The following TDRD3 variants were observed in gnomAD, a reference collection of about 807,000 sequenced individuals.
TDRD3 encodes the protein tudor domain containing 3.
Under a neutral mutation model 86.7 loss-of-function variants are expected in TDRD3, and 45 were observed. The observed-to-expected ratio is 0.52, with a 90% confidence interval of 0.41 to 0.67. TDRD3 has a LOEUF of 0.67. Ranked by LOEUF, TDRD3 falls within the 30% of genes least tolerant of loss-of-function variation. TDRD3 has a pLI of 0.00. For synonymous variants in TDRD3, 298 were observed against 301.7 expected, an observed-to-expected ratio of 0.99 and a Z score of 0.13; for missense variants, 814 against 889.0, an observed-to-expected ratio of 0.92 and a Z score of 1.07.
intron 1 of TDRD3, 103 bp downstream of exon 1, chr13:60,397,508 T>G: frequency 7.0e-6 from 7 of 1,000,892 alleles, no homozygotes; most frequent in East Asian, 3.3e-5. Context: ...AGGCGGAGGC[T>G]GTCGTCCGCC....
At position 60,468,583 on chromosome 13, in the gene TDRD3, G is replaced by A. The variant is rs142217780; in HGVS notation, c.495+1204G>A. Among the ~76,000 whole-genome samples the A allele has an allele frequency of 3.1e-3, 467 of 152,248 alleles. 2 individuals carry two copies. The highest frequency in any genetic ancestry group is 0.011 in the African/African-American group (443 of 41,550). The stretch of plus-strand genomic sequence containing the variant: ...GTTCTGCACGTATCTGTTGAACAAT[G>A]TGTAGATACTGTGCTGGGATCTTGC... On this transcript the variant is annotated intron_variant, in intron 5 of 13. Coordinates refer to ENST00000377881, the MANE Select transcript of TDRD3 (RefSeq NM_001146070.2).
chr13:60,422,720 C>A (rs915744657), intron 1 of TDRD3, among the ~76,000 whole-genome samples: 1 of 151,220 alleles, frequency 6.6e-6, no homozygotes, highest in African/African-American at 2.4e-5. Context: ...TGATAAGGAG[C>A]ATTGAAGAAA....
chr13:60,459,964 T>TA (rs1045733102), intron 3 of TDRD3, among the ~76,000 whole-genome samples: 22 of 152,224 alleles, frequency 1.4e-4, no homozygotes, highest in Non-Finnish European at 3.1e-4. Flanking sequence ...TTGATTCACT[T>TA]AAAAAAACTG....
intron 1 of TDRD3, among the ~76,000 whole-genome samples, chr13:60,424,843 A>G (rs1018399315): frequency 2.6e-5 from 4 of 152,092 alleles, no homozygotes; most frequent in Admixed American, 2.0e-4. Context: ...TTCTGTCTCT[A>G]TGGATTTTTT....
Position 60,404,010 on chromosome 13 carries a change from CATG to C in TDRD3, c.41+6608_41+6610del, listed in dbSNP as rs138214036. On this transcript the variant is annotated intron_variant, in intron 1 of 13. Coordinates refer to ENST00000377881, the MANE Select transcript of TDRD3 (RefSeq NM_001146070.2). ...ATGTACAAGACAGGCAGAATTTAAA[CATG>C]ATATACACTGTTATTTTACTTGCAA... Among the ~76,000 whole-genome samples, 3 of 152,302 alleles carry C rather than the reference CATG, an allele frequency of 2.0e-5. No individual in the cohort carries two copies. The East Asian group carries it at 5.8e-4, about 29-fold the overall frequency.
At chr13:60,555,265 A>G (rs1309464899) in intron 12 of TDRD3, among the ~76,000 whole-genome samples, 1 of 152,230 alleles carries the variant, frequency 6.6e-6, no homozygotes, top group Non-Finnish European at 1.5e-5. Flanking sequence ...AAGATGATAT[A>G]TTCTCTACTA....
At chr13:60,560,358 C>T (rs571762618) in intron 12 of TDRD3, among the ~76,000 whole-genome samples, 104 of 152,210 alleles carry the variant, frequency 6.8e-4, no homozygotes, top group African/African-American at 2.5e-3. Context: ...AAGTTGTAAA[C>T]TCATGTGTTT....
chr13:60,500,421 C>G (rs1015746551), intron 8 of TDRD3, among the ~76,000 whole-genome samples: 1 of 152,172 alleles, frequency 6.6e-6, no homozygotes, highest in African/African-American at 2.4e-5. Flanking sequence ...CCAGTGGCCT[C>G]ATGGGGAGTC....
chr13:60,565,887 A>T (rs558874727), intron 12 of TDRD3, among the ~76,000 whole-genome samples: 2 of 152,298 alleles, frequency 1.3e-5, no homozygotes, highest in East Asian at 3.9e-4. Context: ...TGATTTTCTT[A>T]CTTTTAATTG....
intron 7 of TDRD3, among the ~76,000 whole-genome samples, chr13:60,491,260 T>C (rs1453447794): frequency 2.6e-5 from 4 of 152,018 alleles, no homozygotes; most frequent in African/African-American, 7.3e-5. Flanking sequence ...ATTTTGAACA[T>C]GTGAATATTG....
intron 12 of TDRD3, among the ~76,000 whole-genome samples, chr13:60,552,305 A>G (rs1037225268): frequency 6.6e-6 from 1 of 152,250 alleles, no homozygotes; most frequent in Non-Finnish European, 1.5e-5. Context: ...CACAGGCCCC[A>G]TGCAAGTCTG....
At position 60,460,648 on chromosome 13, in the gene TDRD3, TAC is replaced by T. The variant is rs574786049; in HGVS notation, c.353+110_353+111del. On this transcript the variant is annotated intron_variant, in intron 4 of 13. Transcript: ENST00000377881. ...TAGGAATGGACCCTTAATTGTGTGT[TAC>T]AGTTTTTCAGATGAAATTATAGAGC... is the stretch of plus-strand genomic sequence containing the variant. 5.1e-4 allele frequency: 511 copies of T among 1,008,440 alleles called. 4 individuals carry two copies. The African/African-American group carries it at 7.9e-3, about 16-fold the overall frequency. The allele number at this position is 1,008,440 out of a possible 1,614,324, so 62.5% of individuals were successfully genotyped here. A position where few individuals can be genotyped will look rare whatever the true frequency, so the allele number is the denominator to read the frequency against.
chr13:60,555,863 T>G (rs1199914234), intron 12 of TDRD3, among the ~76,000 whole-genome samples: 1 of 150,086 alleles, frequency 6.7e-6, no homozygotes, highest in East Asian at 1.9e-4. Flanking sequence ...TTTTTTTTTT[T>G]TTTTTGAGAT....
intron 2 of TDRD3, among the ~76,000 whole-genome samples, chr13:60,443,839 A>G (rs1955338750): frequency 6.6e-6 from 1 of 151,970 alleles, no homozygotes; most frequent in South Asian, 2.1e-4. Flanking sequence ...TTATTATGCT[A>G]ATCTCACTAT....
chr13:60,459,197 T>C (rs1226033254), intron 3 of TDRD3, among the ~76,000 whole-genome samples: 1 of 152,234 alleles, frequency 6.6e-6, no homozygotes, highest in Non-Finnish European at 1.5e-5. Context: ...GTGTAAATAT[T>C]TGTCTATCAT....
intron 11 of TDRD3, among the ~76,000 whole-genome samples, chr13:60,530,217 T>C (rs1344849420): frequency 6.6e-6 from 1 of 152,228 alleles, no homozygotes; most frequent in Admixed American, 6.5e-5. Context: ...ACTGTGCCTC[T>C]CTGGTTTCCG....
chr13:60,486,014 C>A (rs144503302), intron 7 of TDRD3, 66 bp downstream of exon 7: 1 of 1,438,360 alleles, frequency 7.0e-7, no homozygotes, highest in South Asian at 1.5e-5. Context: ...TATTTGTGAT[C>A]GTTATTGTCT....
intron 8 of TDRD3, among the ~76,000 whole-genome samples, chr13:60,506,468 G>A (rs1362887461): frequency 5.3e-5 from 8 of 152,118 alleles, no homozygotes; most frequent in Non-Finnish European, 8.8e-5. Context: ...GACACTGGCC[G>A]AGTGCAGTGG....
chr13:60,516,534 C>T (rs1263991025), intron 10 of TDRD3, among the ~76,000 whole-genome samples: 4 of 152,164 alleles, frequency 2.6e-5, no homozygotes, highest in Non-Finnish European at 5.9e-5. Context: ...GGAGCAGATA[C>T]ATACAACTAA....
Sources: gnomAD v4.1 joint callset for allele counts (sites outside exome capture counted in the v4.1 genomes callset) on GRCh38, gnomAD v4.1.1 for gene constraint, MANE v1.5 for transcripts, NCBI Gene and HGNC (gene_info 2026-07-23, HGNC 2026-07-21) for gene names.